CLVS1: variants seen among roughly 807,000 people sequenced by gnomAD.
CLVS1 encodes clavesin 1.
Under a neutral mutation model 33.1 loss-of-function variants are expected in CLVS1, and 10 were observed. The ratio of observed to expected loss-of-function variants is 0.30; its 90% CI spans 0.19 to 0.51. The LOEUF is 0.51. CLVS1 is among the 20% of genes least tolerant of loss of function. The pLI is 0.97. For synonymous variants in CLVS1, 163 were observed against 166.1 expected (o/e 0.98, Z 0.14); for missense variants, 343 against 433.4 (o/e 0.79, Z 1.85).
At chr8:61,061,385 C>G (rs1804581275) in intron 1 of CLVS1, among the ~76,000 whole-genome samples, 1 of 152,084 alleles carries the variant, frequency 6.6e-6, no homozygotes, top group Admixed American at 6.5e-5. Context: ...GAATTCGCAC[C>G]GCACGTACCC....
chr8:61,181,071 A>T (rs1432305089), intron 2 of CLVS1, among the ~76,000 whole-genome samples: 12 of 152,222 alleles, frequency 7.9e-5, no homozygotes, highest in Admixed American at 7.2e-4. Context: ...ACATGATTCT[A>T]TATTGGGAAA....
At chr8:61,200,262 G>A (rs1444135858) in intron 2 of CLVS1, among the ~76,000 whole-genome samples, 1 of 151,984 alleles carries the variant, frequency 6.6e-6, no homozygotes, top group Non-Finnish European at 1.5e-5. Context: ...GGGATTATAG[G>A]TGCCTGCCAC....
chr8:61,341,237 C>T (rs1812019640), intron 2 of CLVS1, among the ~76,000 whole-genome samples: 2 of 152,190 alleles, frequency 1.3e-5, no homozygotes, highest in South Asian at 4.1e-4. Context: ...GTAAGTCCGT[C>T]ATTCTGTCTG....
At position 61,299,870 on chromosome 8, in the gene CLVS1, A is replaced by C. The variant is rs769664828; in HGVS notation, c.43A>C (p.Thr15Pro). The C allele has an allele frequency of 1.4e-5, 23 of 1,613,332 alleles. No homozygotes were observed. The highest frequency in any genetic ancestry group is 1.8e-5 in the Non-Finnish European group (21 of 1,179,632). Residue 15 changes from threonine to proline, a missense_variant, in exon 2 of 6, where the codon ACT becomes CCT. By Grantham distance (38) the Thr-to-Pro change is conservative. This residue lies in a region of CLVS1 where 88 missense variants were observed against 77.3 expected (regional missense o/e 1.14). Coordinates refer to ENST00000325897, the MANE Select transcript of CLVS1 (RefSeq NM_173519.3). ...SLLPKYQKLN[T>P]WNGDLAKMTH... is the part of the protein sequence containing the mutation. ...TCTTCCAAAATATCAGAAGTTAAAC[A>C]CTTGGAACGGAGATTTGGCCAAGAT...
At chr8:61,149,270 A>G (rs1046122254) in intron 2 of CLVS1, among the ~76,000 whole-genome samples, 1 of 152,142 alleles carries the variant, frequency 6.6e-6, no homozygotes, top group Non-Finnish European at 1.5e-5. Context: ...AGATAGAATC[A>G]GCCAGGCGCA....
intron 3 of CLVS1, chr8:61,377,436 T>C (rs1470489560): frequency 3.3e-5 from 5 of 152,212 alleles, no homozygotes; most frequent in Non-Finnish European, 7.3e-5. Flanking sequence ...CAAATTACTA[T>C]TACTATAACA....
At chr8:61,287,053 A>G (rs1809797012), upstream of CLVS1, among the ~76,000 whole-genome samples, 1 of 152,218 alleles carries the variant, frequency 6.6e-6, no homozygotes, top group South Asian at 2.1e-4. Flanking sequence ...GCATATCTGA[A>G]TATATCCCTA....
chr8:61,069,226 C>T (rs1306368555), intron 1 of CLVS1, among the ~76,000 whole-genome samples: 1 of 152,188 alleles, frequency 6.6e-6, no homozygotes, highest in Non-Finnish European at 1.5e-5. Flanking sequence ...CCTCAGCCTC[C>T]CAAAGTGCTG....
At chr8:61,325,205 TAC>T (rs150282296) in intron 2 of CLVS1, among the ~76,000 whole-genome samples, 31 of 150,066 alleles carry the variant, frequency 2.1e-4, no homozygotes, top group Admixed American at 3.3e-4. Flanking sequence ...TACACACACA[TAC>T]ACACACACAC....
At chr8:61,056,632 T>C (rs1312542566), upstream of CLVS1, among the ~76,000 whole-genome samples, 1 of 152,198 alleles carries the variant, frequency 6.6e-6, no homozygotes, top group Non-Finnish European at 1.5e-5. Context: ...TCTCCACACC[T>C]GTGAATCACC....
Position 61,306,560 on chromosome 8 carries a change from C to T in CLVS1, c.455+6278C>T, listed in dbSNP as rs1810634070. 3.9e-5 allele frequency among the ~76,000 whole-genome samples: 6 copies of T among 152,178 alleles called. No individual in the cohort carries two copies. The South Asian group carries it at 1.2e-3, about 32-fold the overall frequency. ...TTACCCATTCATCTGATGATGAGCA[C>T]TCAGGTTAATTCCATATGCTGGCTA... is the stretch of plus-strand genomic sequence containing the variant. On this transcript the variant is annotated intron_variant, in intron 2 of 5. Transcript: ENST00000325897.
intron 2 of CLVS1, among the ~76,000 whole-genome samples, chr8:61,269,047 T>A (rs1279652808): frequency 4.3e-4 from 63 of 148,146 alleles, no homozygotes; most frequent in Non-Finnish European, 8.2e-4. Context: ...CAATTTTGTC[T>A]TTTGTTGCCA....
At chr8:61,236,921 A>G (rs1808575153) in intron 2 of CLVS1, among the ~76,000 whole-genome samples, 1 of 152,162 alleles carries the variant, frequency 6.6e-6, no homozygotes, top group African/African-American at 2.4e-5. Flanking sequence ...ACTGCCTACA[A>G]TGCTGGTGGA....
At chr8:61,059,437 C>CAT (rs143185828) in intron 1 of CLVS1, among the ~76,000 whole-genome samples, 40 of 128,606 alleles carry the variant, frequency 3.1e-4, no homozygotes, top group East Asian at 4.7e-4. Flanking sequence ...AGACCTATAT[C>CAT]ATATATATAT....
intron 2 of CLVS1, among the ~76,000 whole-genome samples, chr8:61,329,235 C>T (rs982194173): frequency 6.6e-6 from 1 of 151,412 alleles, no homozygotes; most frequent in African/African-American, 2.4e-5. Context: ...CTCTCATCTC[C>T]TTGCTCATGG....
intron 3 of CLVS1, among the ~76,000 whole-genome samples, chr8:61,418,060 C>A (rs979288791): frequency 7.9e-5 from 12 of 152,250 alleles, no homozygotes; most frequent in Admixed American, 2.0e-4. Flanking sequence ...TGCTCTCAAC[C>A]AGAAGATCTG....
chr8:61,031,817 G>A, the CLVS1 span, among the ~76,000 whole-genome samples: 3 of 152,084 alleles, frequency 2.0e-5, no homozygotes, highest in Non-Finnish European at 2.9e-5. Context: ...AAAATATAGC[G>A]GAAGCAAGAA....
intron 2 of CLVS1, among the ~76,000 whole-genome samples, chr8:61,370,965 A>C (rs186405670): frequency 6.8e-4 from 103 of 152,304 alleles, no homozygotes; most frequent in Middle Eastern, 3.4e-3. Context: ...AACATGCATG[A>C]GCAAGTGTCT....
At chr8:61,104,840 A>G (rs1465921188) in intron 1 of CLVS1, among the ~76,000 whole-genome samples, 1 of 151,786 alleles carries the variant, frequency 6.6e-6, no homozygotes, top group Non-Finnish European at 1.5e-5. Flanking sequence ...TTATTTTTTT[A>G]TTTATTTAGA....
Sources: allele counts gnomAD v4.1 joint callset (sites outside exome capture counted in the v4.1 genomes callset), GRCh38; gene constraint gnomAD v4.1.1; regional missense constraint gnomAD v4.1.1; transcripts MANE v1.5; gene names NCBI Gene and HGNC (gene_info 2026-07-23, HGNC 2026-07-21).